Variants in CCDC85A observed in about 807,000 individuals in gnomAD.
CCDC85A encodes coiled-coil domain-containing protein 85A.
In CCDC85A, 38 loss-of-function variants were observed where a neutral mutation model predicts 50.2. That is an observed-to-expected ratio of 0.76 (90% CI 0.58 to 0.99). CCDC85A has a LOEUF of 0.99. CCDC85A is among the 50% of genes least tolerant of loss of function. The pLI, the probability that CCDC85A is intolerant of heterozygous loss-of-function variation, is 0.00. For synonymous variants in CCDC85A, 366 were observed against 301.4 expected (o/e 1.21, Z -2.22); for missense variants, 820 against 742.0 (o/e 1.11, Z -1.22).
intron 2 of CCDC85A, among the ~76,000 whole-genome samples, chr2:56,324,465 C>A (rs1673368308): frequency 6.6e-6 from 1 of 151,992 alleles, no homozygotes; most frequent in African/African-American, 2.4e-5. Flanking sequence ...AGAGACACTC[C>A]TCTGGCCAGT....
At chr2:56,343,067 T>C (rs1027730492) in intron 3 of CCDC85A, 112 bp downstream of exon 3, 3 of 701,906 alleles carry the variant, frequency 4.3e-6, no homozygotes, top group South Asian at 3.5e-5. Context: ...GAAATCATTT[T>C]GTAAATAGCC....
At chr2:56,282,348 C>A (rs1671243688) in intron 2 of CCDC85A, among the ~76,000 whole-genome samples, 1 of 152,094 alleles carries the variant, frequency 6.6e-6, no homozygotes, top group African/African-American at 2.4e-5. Flanking sequence ...GAGTCCTCTA[C>A]ATTTTTGTTG....
At chr2:56,267,799 C>G (rs1307096332) in intron 2 of CCDC85A, among the ~76,000 whole-genome samples, 1 of 152,150 alleles carries the variant, frequency 6.6e-6, no homozygotes, top group Non-Finnish European at 1.5e-5. Context: ...TAAAAACTAG[C>G]TAAAATCTAA....
chr2:56,382,948 A>T (rs1676659611), intron 5 of CCDC85A, among the ~76,000 whole-genome samples: 2 of 151,914 alleles, frequency 1.3e-5, no homozygotes, highest in Admixed American at 1.3e-4. Context: ...TCCTTGATTC[A>T]GTGTTTGTGT....
chr2:56,259,810 T>TAAGA (rs1364779328), intron 2 of CCDC85A, among the ~76,000 whole-genome samples: 4 of 152,202 alleles, frequency 2.6e-5, no homozygotes, highest in Admixed American at 2.0e-4. Flanking sequence ...TTGGGCCTCT[T>TAAGA]CAGTACTGAT....
At chr2:56,322,224 T>C (rs940178598) in intron 2 of CCDC85A, among the ~76,000 whole-genome samples, 1 of 152,192 alleles carries the variant, frequency 6.6e-6, no homozygotes, top group African/African-American at 2.4e-5. Context: ...ATTCAGGCCA[T>C]AGGCATGGGC....
At chr2:56,338,567 T>G (rs937912001) in intron 2 of CCDC85A, among the ~76,000 whole-genome samples, 1 of 151,898 alleles carries the variant, frequency 6.6e-6, no homozygotes, top group African/African-American at 2.4e-5. Context: ...TGGATGTGAC[T>G]TTTTTTAAGA....
intron 2 of CCDC85A, among the ~76,000 whole-genome samples, chr2:56,226,976 T>C (rs1411152005): frequency 6.6e-6 from 1 of 152,178 alleles, no homozygotes; most frequent in Non-Finnish European, 1.5e-5. Context: ...TTAGCACCTT[T>C]TATTCTGAGA....
At chr2:56,368,679 G>A (rs1032860992) in intron 3 of CCDC85A, among the ~76,000 whole-genome samples, 20 of 152,010 alleles carry the variant, frequency 1.3e-4, no homozygotes, top group Admixed American at 5.9e-4. Flanking sequence ...GAGAGGGCTG[G>A]GGTCTCAAAT....
chr2:56,344,461 A>G (rs1674532353), intron 3 of CCDC85A, among the ~76,000 whole-genome samples: 1 of 152,150 alleles, frequency 6.6e-6, no homozygotes, highest in African/African-American at 2.4e-5. Context: ...TTATTTCTGG[A>G]ATTTTCCATT....
At chr2:56,201,368 G>A (rs1259742247) in intron 2 of CCDC85A, among the ~76,000 whole-genome samples, 1 of 152,140 alleles carries the variant, frequency 6.6e-6, no homozygotes, top group Admixed American at 6.5e-5. Flanking sequence ...CTAGGCATTT[G>A]AAAGTGGTCT....
At chr2:56,255,505 G>GA (rs1669944832) in intron 2 of CCDC85A, among the ~76,000 whole-genome samples, 1 of 152,104 alleles carries the variant, frequency 6.6e-6, no homozygotes, top group East Asian at 1.9e-4. Flanking sequence ...GGCACCAGGA[G>GA]AAAAAAGAGT....
At chr2:56,197,025 A>G (rs533596835) in intron 2 of CCDC85A, among the ~76,000 whole-genome samples, 7 of 152,312 alleles carry the variant, frequency 4.6e-5, no homozygotes, top group African/African-American at 1.7e-4. Flanking sequence ...GCATGAGGAA[A>G]TCATTCACCT....
At chr2:56,339,399 C>G (rs143636919) in intron 2 of CCDC85A, among the ~76,000 whole-genome samples, 2 of 152,068 alleles carry the variant, frequency 1.3e-5, no homozygotes, top group Non-Finnish European at 2.9e-5. Flanking sequence ...GAATTTACCC[C>G]TTTTTTCCTG....
At chr2:56,202,000 G>A (rs1364927595) in intron 2 of CCDC85A, among the ~76,000 whole-genome samples, 1 of 152,148 alleles carries the variant, frequency 6.6e-6, no homozygotes, top group East Asian at 1.9e-4. Context: ...CAGGGCACAG[G>A]GTCAGTGTCT....
At chr2:56,232,311 A>G (rs1314436677) in intron 2 of CCDC85A, among the ~76,000 whole-genome samples, 1 of 152,152 alleles carries the variant, frequency 6.6e-6, no homozygotes, top group Non-Finnish European at 1.5e-5. Flanking sequence ...GACTGCTGAT[A>G]TTAGAAAATG....
intron 2 of CCDC85A, among the ~76,000 whole-genome samples, chr2:56,196,769 G>A (rs1244319928): frequency 6.6e-6 from 1 of 151,284 alleles, no homozygotes; most frequent in East Asian, 1.9e-4. Context: ...AGAAAAAATA[G>A]TAAAAATAGT....
intron 2 of CCDC85A, among the ~76,000 whole-genome samples, chr2:56,304,801 C>T (rs1455076717): frequency 1.3e-5 from 2 of 151,938 alleles, no homozygotes; most frequent in Non-Finnish European, 2.9e-5. Context: ...GCAATCCCAG[C>T]ACTTTGGGGG....
At chr2:56,355,536 GA>G (rs1186126425) in intron 3 of CCDC85A, among the ~76,000 whole-genome samples, 1 of 152,054 alleles carries the variant, frequency 6.6e-6, no homozygotes, top group Non-Finnish European at 1.5e-5. Context: ...CCCTCTTTCA[GA>G]ATTTTTTTTC....
Sources: gnomAD v4.1 joint callset for allele counts (sites outside exome capture counted in the v4.1 genomes callset) on GRCh38, gnomAD v4.1.1 for gene constraint, MANE v1.5 for transcripts, NCBI Gene and HGNC (gene_info 2026-07-23, HGNC 2026-07-21) for gene names.